CD93: variants seen among roughly 807,000 people sequenced by gnomAD.
The protein encoded by CD93 is CD93 molecule, also known as complement component C1q receptor.
Under a neutral mutation model 45.5 loss-of-function variants are expected in CD93, and 44 were observed. The observed-to-expected ratio is 0.97, with a 90% CI of 0.76 to 1.24. The LOEUF is 1.24. Among genes scored for constraint, CD93 ranks in the 50% most tolerant of loss-of-function variants. CD93 has a pLI of 0.00. For synonymous variants in CD93, 431 were observed against 370.8 expected (o/e 1.16, Z -1.87); for missense variants, 918 against 844.5 (o/e 1.09, Z -1.08).
Position 23,080,192 on chromosome 20 carries a change from T to C in CD93, c.*3758A>G, listed in dbSNP as rs1399017714. On this transcript the variant is annotated 3_prime_UTR_variant, in exon 2 of 2. Transcript: ENST00000246006. ...ACAATGGAGAAGCTAAGAAGAGAAA[T>C]AATAGGAAAGGCTTTCCTATGTTAG... The C allele has an allele frequency of 4.6e-5, 7 of 152,682 alleles. No individual in the cohort carries two copies. Among genetic ancestry groups the C allele is most frequent in the Non-Finnish European group, 1.0e-4 (7 of 68,016 alleles). The allele number at this position is 152,682 out of a possible 1,614,324, so 9.5% of individuals were successfully genotyped here.
At position 23,081,700 on chromosome 20, in the gene CD93, C is replaced by T. The variant is rs1476300437; in HGVS notation, c.*2250G>A. The T allele has an allele frequency of 1.3e-5, 2 of 152,192 alleles. No individual in the cohort carries two copies. The highest frequency in any genetic ancestry group is 1.5e-5 in the Non-Finnish European group (1 of 68,050). The allele number at this position is 152,192 out of a possible 1,614,324, so 9.4% of individuals were successfully genotyped here. A position where few individuals can be genotyped will look rare whatever the true frequency, so the allele number is the denominator to read the frequency against. ...TCCATGACCTCCCTGTTGTTGAGAA[C>T]AGGGCTGCATTCAGAGAACAGACGA... On this transcript the variant is annotated 3_prime_UTR_variant, in exon 2 of 2. Coordinates refer to ENST00000246006, the MANE Select transcript of CD93 (RefSeq NM_012072.4).
Position 23,084,458 on chromosome 20 carries a change from GCC to G in CD93, c.1733_1734del (p.Gly578AlafsTer58). 1 of 1,614,204 alleles carries G rather than the reference GCC, an allele frequency of 6.2e-7. No homozygotes were observed. Among genetic ancestry groups the G allele is most frequent in the Non-Finnish European group, 8.5e-7 (1 of 1,180,046 alleles). ...AGGATGTAGAATAAAAGCAGCTTTT[GCC>G]CGTCAGTGCCATCGTTGTTTTGTGT... is the stretch of plus-strand genomic sequence containing the variant. ...VATQNNDGTD[G>X]QKLLLFYILG... On this transcript the variant is annotated frameshift_variant, in exon 1 of 2. Transcript: ENST00000246006. LOFTEE classifies it high-confidence loss of function.
In CD93 at chr20:23,085,778, T is replaced by G; in HGVS notation, c.415A>C (p.Lys139Gln). 2 of 1,611,176 alleles carry G rather than the reference T, an allele frequency of 1.2e-6. No homozygotes were observed. Among genetic ancestry groups the G allele is most frequent in the Non-Finnish European group, 8.5e-7 (1 of 1,179,870 alleles). Reference protein sequence around the residue: ...HKELRNSCISKRCVSLLLDLS... With the variant: ...HKELRNSCISQRCVSLLLDLS... Reference sequence around the variant, plus strand: ...TCCAGCAGCAGAGACACACAGCGCTTGGAGATGCACGAGTTCCGGAGCTCC... The same window carrying G: ...TCCAGCAGCAGAGACACACAGCGCTGGGAGATGCACGAGTTCCGGAGCTCC... Residue 139 changes from lysine (K) to glutamine (Q), a missense_variant, in exon 1 of 2, where the codon AAG (lysine) becomes CAG (glutamine). Lys to Gln is a moderately conservative substitution (Grantham distance 53). Transcript: ENST00000246006.
In CD93 at chr20:23,086,027, T is replaced by C. The variant is rs1174185277; in HGVS notation, c.166A>G (p.Asn56Asp). 6.2e-7 allele frequency: 1 copy of C among 1,609,854 alleles called. No homozygotes were observed. Among genetic ancestry groups the C allele is most frequent in the African/African-American group, 1.3e-5 (1 of 74,880 alleles). Reference sequence around the variant, plus strand: ...TTCACAGTGGCCAGGTTGCCCCCGTTCTGGTTGCAGTGGTTCTGGGCCTCG... The same window carrying C: ...TTCACAGTGGCCAGGTTGCCCCCGTCCTGGTTGCAGTGGTTCTGGGCCTCG... ...AAEAQNHCNQ[N>D]GGNLATVKSK... The change falls in exon 1 of 2, where the codon AAC becomes GAC. Residue 56 changes from asparagine to aspartate, a missense_variant. Coordinates refer to ENST00000246006, the MANE Select transcript of CD93 (RefSeq NM_012072.4).
rs1484128873 is a variant in CD93, at chr20:23,080,921, T to C, written c.*3029A>G. On this transcript the variant is annotated 3_prime_UTR_variant, in exon 2 of 2. Transcript: ENST00000246006. ...GCATTCCTCAGATTATCTGTGGGAA[T>C]TGTCCTCCTGCATCCTTTCTCAAAT... is the stretch of plus-strand genomic sequence containing the variant. The C allele has an allele frequency of 1.3e-5, 2 of 152,190 alleles. No individual in the cohort carries two copies. Among genetic ancestry groups the C allele is most frequent in the African/African-American group, 2.4e-5 (1 of 41,448 alleles). The allele number at this position is 152,190 out of a possible 1,614,324, so 9.4% of individuals were successfully genotyped here. A position where few individuals can be genotyped will look rare whatever the true frequency, so the allele number is the denominator to read the frequency against.
chr20:23,080,529 A>C lies in CD93; in HGVS notation c.*3421T>G, dbSNP rs779345113. 2.0e-5 allele frequency: 3 copies of C among 152,270 alleles called. No individual in the cohort carries two copies. Among genetic ancestry groups the C allele is most frequent in the Non-Finnish European group, 4.4e-5 (3 of 68,046 alleles). The allele number at this position is 152,270 out of a possible 1,614,324, so 9.4% of individuals were successfully genotyped here. On this transcript the variant is annotated 3_prime_UTR_variant, in exon 2 of 2. Coordinates refer to ENST00000246006, the MANE Select transcript of CD93 (RefSeq NM_012072.4). The stretch of plus-strand genomic sequence containing the variant: ...CCACTTTTTTGCCTGATCGCAGGGA[A>C]GATGGCATGTGGCTGGCCCTTCCTG...
Position 23,081,431 on chromosome 20 carries a change from T to G in CD93, c.*2519A>C, listed in dbSNP as rs1340854067. 1.3e-5 allele frequency: 2 copies of G among 152,324 alleles called. No homozygotes were observed. Among genetic ancestry groups the G allele is most frequent in the East Asian group, 3.9e-4 (2 of 5,186 alleles). The allele number at this position is 152,324 out of a possible 1,614,324, so 9.4% of individuals were successfully genotyped here. On this transcript the variant is annotated 3_prime_UTR_variant, in exon 2 of 2. Transcript: ENST00000246006. ...GCCCCAAGATCCCCCAAACAAGAAT[T>G]TCCATGCTTCAAAGTAACAGCAAAA... is the stretch of plus-strand genomic sequence containing the variant.
At position 23,083,046 on chromosome 20, in the gene CD93, G is replaced by C. The variant is rs944326727; in HGVS notation, c.*904C>G. The stretch of plus-strand genomic sequence containing the variant: ...GAAGTGGAGGCGGGGCCACAGGCAG[G>C]GTGTCTGAGGCCTGCCCTGGCTCAA... On this transcript the variant is annotated 3_prime_UTR_variant, in exon 2 of 2. Coordinates refer to ENST00000246006, the MANE Select transcript of CD93 (RefSeq NM_012072.4). 6.6e-5 allele frequency: 10 copies of C among 152,600 alleles called. No homozygotes were observed. The highest frequency in any genetic ancestry group is 2.4e-4 in the African/African-American group (10 of 41,446). The allele number at this position is 152,600 out of a possible 1,614,324, so 9.5% of individuals were successfully genotyped here.
rs369490577 is a variant in CD93 at position 23,085,740 on chromosome 20, C to G, written c.453G>C (p.Pro151=). Residue 151 remains proline (P), a synonymous_variant, in exon 1 of 2, where the codon CCG becomes CCC. Coordinates refer to ENST00000246006, the MANE Select transcript of CD93 (RefSeq NM_012072.4). The stretch of plus-strand genomic sequence containing the variant: ...ACTTGGGGAGGCGGCTGGGAAGGAG[C>G]GGCTGGGACAGGTCCAGCAGCAGAG... ...CVSLLLDLSQ[P]LLPSRLPKWS... is the part of the protein sequence containing the mutation. 5.6e-6 allele frequency: 9 copies of G among 1,610,736 alleles called. No individual in the cohort carries two copies. The highest frequency in any genetic ancestry group is 3.3e-5 in the Admixed American group (2 of 60,010).
rs1985365898 is a variant in CD93, at chr20:23,083,011, CG to C, written c.*938del. 1 of 152,660 alleles carries C rather than the reference CG, an allele frequency of 6.6e-6. No homozygotes were observed. Among genetic ancestry groups the C allele is most frequent in the Non-Finnish European group, 1.5e-5 (1 of 68,038 alleles). The allele number at this position is 152,660 out of a possible 1,614,324, so 9.5% of individuals were successfully genotyped here. ...GTCTGAGCTCGGAGCACTGGCATTCCGGGCAGGATGAAGTGGAGGCGGGGCC... is the reference window on the plus strand; with the variant it reads ...GTCTGAGCTCGGAGCACTGGCATTCCGGCAGGATGAAGTGGAGGCGGGGCC... On this transcript the variant is annotated 3_prime_UTR_variant, in exon 2 of 2. Transcript: ENST00000246006.
At position 23,085,943 on chromosome 20, in the gene CD93, C is replaced by T. The variant is rs140839011; in HGVS notation, c.250G>A (p.Ala84Thr). Residue 84 changes from alanine to threonine, a missense_variant, in exon 1 of 2, where the codon GCA (alanine) becomes ACA (threonine). By Grantham distance (58) the Ala-to-Thr change is moderately conservative (BLOSUM62 0). Transcript: ENST00000246006. ...RVLAQLLRRE[A>T]ALTARMSKFW... ...TTGCTCATCCTCGCCGTCAGGGCTG[C>T]CTCCCGCCTCAGGAGCTGGGCCAGT... is the stretch of plus-strand genomic sequence containing the variant. 5 of 1,608,484 alleles carry T rather than the reference C, an allele frequency of 3.1e-6. No homozygotes were observed. The African/African-American group carries it at 5.4e-5, about 17-fold the overall frequency.
intron 1 of CD93, 105 bp from the exon 2 acceptor site, chr20:23,084,079 G>A (rs1212506958): frequency 6.8e-7 from 1 of 1,481,008 alleles, no homozygotes; most frequent in South Asian, 1.1e-5. Context: ...CAGATGGGCA[G>A]TATGCTCTAA....
Position 23,083,771 on chromosome 20 carries a change from C to T in CD93, c.*179G>A, listed in dbSNP as rs1369443163. 10 of 651,552 alleles carry T rather than the reference C, an allele frequency of 1.5e-5. No individual in the cohort carries two copies. In the African/African-American group the frequency reaches 1.6e-4, roughly 11 times the overall value. The allele number at this position is 651,552 out of a possible 1,614,324, so 40.4% of individuals were successfully genotyped here. A position where few individuals can be genotyped will look rare whatever the true frequency, so the allele number is the denominator to read the frequency against. Reference sequence around the variant, plus strand: ...CACACAGCTTCCACTTCAGGAACATCAAACACCCGTAGAAAATACCTGCAT... The same window carrying T: ...CACACAGCTTCCACTTCAGGAACATTAAACACCCGTAGAAAATACCTGCAT... On this transcript the variant is annotated 3_prime_UTR_variant, in exon 2 of 2. Transcript: ENST00000246006.
rs1461328197 is a variant in CD93, at chr20:23,084,995, A to G, written c.1198T>C (p.Cys400Arg). Residue 400 changes from cysteine (C) to arginine (R), a missense_variant, in exon 1 of 2, where the codon TGC (cysteine) becomes CGC (arginine). Coordinates refer to ENST00000246006, the MANE Select transcript of CD93 (RefSeq NM_012072.4). ...ALGRSPCAQG[C>R]TNTDGSFHCS... The stretch of plus-strand genomic sequence containing the variant: ...TGAAATGAGCCATCTGTGTTGGTGC[A>G]GCCCTGGGCGCAAGGCGAGCGACCC... 2 of 1,613,920 alleles carry G rather than the reference A, an allele frequency of 1.2e-6. No homozygotes were observed. Among genetic ancestry groups the G allele is most frequent in the Non-Finnish European group, 1.7e-6 (2 of 1,180,002 alleles).
Position 23,079,446 on chromosome 20 carries a change from GCAC to G in CD93, c.*4501_*4503del, listed in dbSNP as rs1985267963. ...ACCTTCCTAAAGGCTGACCCTCAAA[GCAC>G]CATTTTGTTAGAACTCAGAGGAGAA... On this transcript the variant is annotated 3_prime_UTR_variant, in exon 2 of 2. Coordinates refer to ENST00000246006, the MANE Select transcript of CD93 (RefSeq NM_012072.4). The G allele has an allele frequency of 1.3e-5, 2 of 152,184 alleles. No individual in the cohort carries two copies. 9.4% of individuals were successfully genotyped at this position (152,184 alleles called of 1,614,324 possible). A position where few individuals can be genotyped will look rare whatever the true frequency, so the allele number is the denominator to read the frequency against.
Position 23,084,457 on chromosome 20 carries a change from T to C in CD93, c.1736A>G (p.Gln579Arg). Residue 579 changes from glutamine (Q) to arginine (R), a missense_variant, in exon 1 of 2, where the codon CAA becomes CGA. Physicochemically the swap from Gln to Arg is conservative, Grantham distance 43 (BLOSUM62 1). Transcript: ENST00000246006. ...TAGGATGTAGAATAAAAGCAGCTTT[T>C]GCCCGTCAGTGCCATCGTTGTTTTG... ...ATQNNDGTDG[Q>R]KLLLFYILGT... The C allele has an allele frequency of 6.2e-7, 1 of 1,614,232 alleles. No individual in the cohort carries two copies. Among genetic ancestry groups the C allele is most frequent in the Middle Eastern group, 1.6e-4 (1 of 6,062 alleles).
At position 23,083,827 on chromosome 20, in the gene CD93, C is replaced by A. The variant is rs1381729768; in HGVS notation, c.*123G>T. On this transcript the variant is annotated 3_prime_UTR_variant, in exon 2 of 2. Transcript: ENST00000246006. Reference sequence around the variant, plus strand: ...AAGGGGCCTTTAAGGAGGAGACTTACAATTGTTTGCTAAGATTCCAGTCCA... The same window carrying A: ...AAGGGGCCTTTAAGGAGGAGACTTAAAATTGTTTGCTAAGATTCCAGTCCA... 5.6e-6 allele frequency: 5 copies of A among 900,080 alleles called. No individual in the cohort carries two copies. The East Asian group carries it at 7.2e-5, about 13-fold the overall frequency. The allele number at this position is 900,080 out of a possible 1,614,324, so 55.8% of individuals were successfully genotyped here. A position where few individuals can be genotyped will look rare whatever the true frequency, so the allele number is the denominator to read the frequency against.
In CD93 at chr20:23,080,005, T is replaced by TA. The variant is rs1332823764; in HGVS notation, c.*3944dup. On this transcript the variant is annotated 3_prime_UTR_variant, in exon 2 of 2. Coordinates refer to ENST00000246006, the MANE Select transcript of CD93 (RefSeq NM_012072.4). ...AGAAAATGCACAAACCATATAGATT[T>TA]AAACCATGGGTTTTGCAGCCGAAGT... The TA allele has an allele frequency of 1.3e-5, 2 of 152,104 alleles. No individual in the cohort carries two copies. The highest frequency in any genetic ancestry group is 2.9e-5 in the Non-Finnish European group (2 of 68,026). The allele number at this position is 152,104 out of a possible 1,614,324, so 9.4% of individuals were successfully genotyped here.
Position 23,084,378 on chromosome 20 carries a change from G to C in CD93, c.1815C>G (p.Val605=). 6.2e-7 allele frequency: 1 copy of C among 1,614,252 alleles called. No homozygotes were observed. The highest frequency in any genetic ancestry group is 8.5e-7 in the Non-Finnish European group (1 of 1,180,050). Residue 605 remains valine, a synonymous_variant, in exon 1 of 2, where the codon GTC becomes GTG. Coordinates refer to ENST00000246006, the MANE Select transcript of CD93 (RefSeq NM_012072.4). The stretch of plus-strand genomic sequence containing the variant: ...CCCTCTTCGCTCTCCGCTTGCGATA[G>C]ACCAGTAGCCCCAGAGCCAGGGCCA... The part of the protein sequence containing the change: ...LLLALALGLL[V]YRKRRAKREE...
Sources: gnomAD v4.1 joint callset for allele counts on GRCh38, gnomAD v4.1.1 for gene constraint, MANE v1.5 for transcripts, NCBI Gene and HGNC (gene_info 2026-07-23, HGNC 2026-07-21) for gene names.